Variants in BRCA1 observed in about 807,000 individuals in gnomAD.
The protein encoded by BRCA1 is breast cancer type 1 susceptibility protein.
A neutral mutation model predicts 173.7 loss-of-function variants in BRCA1; 140 were observed. That is an observed-to-expected ratio of 0.81 (90% CI 0.70 to 0.93). BRCA1 has a LOEUF of 0.93. BRCA1 is among the 40% of genes least tolerant of loss of function. The pLI, the probability that BRCA1 is intolerant of heterozygous loss-of-function variation, is 0.00. For missense variants in BRCA1, 1,983 were observed against 2,172.5 expected (o/e 0.91, Z 1.73); for synonymous variants, 662 against 756.0 (o/e 0.88, Z 2.04).
chr17:43,156,351 G>C (rs1420612982), intron 1 of BRCA1, among the ~76,000 whole-genome samples: 2 of 152,198 alleles, frequency 1.3e-5, no homozygotes, highest in Non-Finnish European at 2.9e-5. Flanking sequence ...GCACAGGGCA[G>C]TGAAAAGAGA....
chr17:43,100,907 T>C (rs1567808025), intron 6 of BRCA1, among the ~76,000 whole-genome samples: 1 of 150,498 alleles, frequency 6.6e-6, no homozygotes, highest in Non-Finnish European at 1.5e-5. Context: ...AATTTTTGTA[T>C]TTTTAGTAGA....
intron 4 of BRCA1, 75 bp downstream of exon 4, chr17:43,106,381 G>A (rs1215368754): frequency 1.2e-5 from 11 of 937,884 alleles, no homozygotes; most frequent in East Asian, 2.5e-5. Flanking sequence ...TTATAGGAAC[G>A]CTATGTTATT....
rs774947869 is a variant in BRCA1, at chr17:43,050,618, GA to G, written c.5332+444del. Among the ~76,000 whole-genome samples, 77 of 72,994 alleles carry G rather than the reference GA, an allele frequency of 1.1e-3. 1 individual carries two copies. The highest frequency in any genetic ancestry group is 2.6e-3 in the African/African-American group (61 of 23,500). 47.9% of individuals were successfully genotyped at this position (72,994 alleles called of 152,430 possible). On this transcript the variant is annotated intron_variant, in intron 20 of 22. Coordinates refer to ENST00000357654, the MANE Select transcript of BRCA1 (RefSeq NM_007294.4). ...ACAGAGACTCGACCTCAAAAAAAAA[GA>G]AAAAAAAAAAGAAATGTTCACCGAG... is the stretch of plus-strand genomic sequence containing the variant.
chr17:43,108,477 C>A (rs960811751), intron 3 of BRCA1, among the ~76,000 whole-genome samples: 7 of 149,118 alleles, frequency 4.7e-5, no homozygotes, highest in Non-Finnish European at 1.0e-4. Flanking sequence ...CTGAGGCAGG[C>A]AGATCACTTG....
At chr17:43,158,148 G>A (rs2056209871) in intron 1 of BRCA1, among the ~76,000 whole-genome samples, 1 of 151,944 alleles carries the variant, frequency 6.6e-6, no homozygotes, top group African/African-American at 2.4e-5. Context: ...TTTAATTGAT[G>A]GTTTAATTTG....
intron 1 of BRCA1, among the ~76,000 whole-genome samples, chr17:43,165,094 T>C (rs969725878): frequency 2.0e-5 from 3 of 152,122 alleles, no homozygotes; most frequent in African/African-American, 7.3e-5. Context: ...TATATTAGTG[T>C]GTTATTAATA....
At position 43,092,781 on chromosome 17, in the gene BRCA1, A is replaced by C. The variant is rs587781492; in HGVS notation, c.2750T>G (p.Ile917Ser). 1 of 1,614,052 alleles carries C rather than the reference A, an allele frequency of 6.2e-7. No homozygotes were observed. Among genetic ancestry groups the C allele is most frequent in the Non-Finnish European group, 8.5e-7 (1 of 1,179,980 alleles). Residue 917 changes from isoleucine (I) to serine (S), a missense_variant, in exon 10 of 23, where the codon ATC becomes AGC. Transcript: ENST00000357654. ...EENQGKNESN[I>S]KPVQTVNITA... is the part of the protein sequence containing the mutation. Reference sequence around the variant, plus strand: ...GATATTAACTGTCTGTACAGGCTTGATATTAGACTCATTCTTTCCTTGATT... The same window carrying C: ...GATATTAACTGTCTGTACAGGCTTGCTATTAGACTCATTCTTTCCTTGATT...
In BRCA1 at chr17:43,091,841, T is replaced by C. The variant is rs940052169; in HGVS notation, c.3690A>G (p.Leu1230=). The part of the protein sequence containing the change: ...DEELPCFQHL[L]FGKVNNIPSQ... ...AAGGTATATTGTTTACTTTACCAAA[T>C]AACAAGTGTTGGAAGCAGGGAAGCT... The change falls in exon 10 of 23, where the codon TTA becomes TTG. Residue 1230 remains leucine (L), a synonymous_variant. Coordinates refer to ENST00000357654, the MANE Select transcript of BRCA1 (RefSeq NM_007294.4). 1 of 1,614,186 alleles carries C rather than the reference T, an allele frequency of 6.2e-7. No homozygotes were observed. Among genetic ancestry groups the C allele is most frequent in the Middle Eastern group, 1.6e-4 (1 of 6,062 alleles).
intron 16 of BRCA1, among the ~76,000 whole-genome samples, chr17:43,066,748 A>C (rs903559757): frequency 1.3e-5 from 2 of 149,734 alleles, no homozygotes; most frequent in African/African-American, 4.9e-5. Context: ...CCACCTCACC[A>C]GTGTAGTCCC....
Position 43,123,969 on chromosome 17 carries a change from G to A in BRCA1, c.80+48C>T, listed in dbSNP as rs200513210. 27 of 1,400,082 alleles carry A rather than the reference G, an allele frequency of 1.9e-5. No individual in the cohort carries two copies. The East Asian group carries it at 4.1e-4, about 21-fold the overall frequency. The allele number at this position is 1,400,082 out of a possible 1,614,324, so 86.7% of individuals were successfully genotyped here. A position where few individuals can be genotyped will look rare whatever the true frequency, so the allele number is the denominator to read the frequency against. The stretch of plus-strand genomic sequence containing the variant: ...AGGTCAATTCTGTTCATTTGCATAG[G>A]AGATAATCATAGGAATCCCAAATTA... On this transcript the variant is annotated intron_variant, in intron 2 of 22. Coordinates refer to ENST00000357654, the MANE Select transcript of BRCA1 (RefSeq NM_007294.4).
chr17:43,064,483 A>G (rs1168740780), intron 16 of BRCA1, among the ~76,000 whole-genome samples: 1 of 152,222 alleles, frequency 6.6e-6, no homozygotes, highest in Non-Finnish European at 1.5e-5. Context: ...GAGCTTTTAT[A>G]TAAGTATTTC....
intron 1 of BRCA1, chr17:43,169,950 C>A: frequency 2.1e-6 from 1 of 465,650 alleles, no homozygotes; most frequent in Non-Finnish European, 4.4e-6. Context: ...CAAGCCAGGC[C>A]AAAAAGTTTC....
Position 43,093,202 on chromosome 17 carries a change from A to C in BRCA1, c.2329T>G (p.Tyr777Asp), listed in dbSNP as rs397507199. 3.1e-6 allele frequency: 5 copies of C among 1,613,880 alleles called. No individual in the cohort carries two copies. The Admixed American group carries it at 5.0e-5, about 16-fold the overall frequency. ...AACGAGATACTTTCCTGAGTGCCATAATCAGTACCAGGTACCAATGAAATA... is the reference window on the plus strand; with the variant it reads ...AACGAGATACTTTCCTGAGTGCCATCATCAGTACCAGGTACCAATGAAATA... ...SSISLVPGTD[Y>D]GTQESISLLE... is the part of the protein sequence containing the mutation. Residue 777 changes from tyrosine to aspartate, a missense_variant, in exon 10 of 23, where the codon TAT becomes GAT. Physicochemically the swap from Tyr to Asp is radical, Grantham distance 160 (BLOSUM62 -3). Transcript: ENST00000357654.
chr17:43,121,683 CA>C (rs71160013), intron 2 of BRCA1, among the ~76,000 whole-genome samples: 137 of 32,894 alleles, frequency 4.2e-3, no homozygotes, highest in African/African-American at 0.015. Context: ...AAGTCTGTCT[CA>C]AAAAAAAAAA....
intron 1 of BRCA1, chr17:43,163,365 GTTTTC>G (rs1301195559): frequency 6.6e-6 from 1 of 152,178 alleles, no homozygotes; most frequent in Non-Finnish European, 1.5e-5. Context: ...CCAACATGAG[GTTTTC>G]TTTTAACTCA....
chr17:43,085,174 A>C (rs1440101265), intron 11 of BRCA1, among the ~76,000 whole-genome samples: 1 of 152,172 alleles, frequency 6.6e-6, no homozygotes, highest in Non-Finnish European at 1.5e-5. Context: ...TTACTGTAGA[A>C]GTTCCCTAAA....
At chr17:43,120,681 C>T (rs1449693013) in intron 2 of BRCA1, among the ~76,000 whole-genome samples, 2 of 152,178 alleles carry the variant, frequency 1.3e-5, no homozygotes, top group Non-Finnish European at 2.9e-5. Flanking sequence ...AGGAGAATGG[C>T]GTGAACCCGG....
intron 7 of BRCA1, among the ~76,000 whole-genome samples, chr17:43,098,799 T>G (rs2054244954): frequency 6.6e-6 from 1 of 151,430 alleles, no homozygotes; most frequent in South Asian, 2.1e-4. Context: ...CGAGCCATCC[T>G]GCCCAGCCAA....
At chr17:43,053,861 TAGG>T (rs953249219) in intron 19 of BRCA1, among the ~76,000 whole-genome samples, 1 of 151,494 alleles carries the variant, frequency 6.6e-6, no homozygotes, top group African/African-American at 2.4e-5. Flanking sequence ...CCTAGCTACT[TAGG>T]AGGCTGAGGC....
Sources: gnomAD v4.1 joint callset for allele counts (sites outside exome capture counted in the v4.1 genomes callset) on GRCh38, gnomAD v4.1.1 for gene constraint, MANE v1.5 for transcripts, NCBI Gene and HGNC (gene_info 2026-07-23, HGNC 2026-07-21) for gene names.